Variants in HSF2BP observed in about 807,000 individuals in gnomAD.
HSF2BP encodes heat shock transcription factor 2 binding protein.
HSF2BP carries 35 observed loss-of-function variants against 35.0 expected under a neutral mutation model. The observed-to-expected ratio is 1.00, with a 90% confidence interval of 0.76 to 1.32. The LOEUF (loss-of-function observed/expected upper bound fraction) is 1.32, where lower values mean the gene tolerates loss of function less well. HSF2BP is among the 40% of genes most tolerant of loss of function. HSF2BP has a pLI of 0.00. For synonymous variants in HSF2BP, 114 were observed against 117.4 expected (o/e 0.97, Z 0.18); for missense variants, 326 against 321.7 (o/e 1.01, Z -0.10).
Position 43,592,340 on chromosome 21 carries a change from A to C in HSF2BP, c.693-12T>G. ...ACATCAGCATTAGCCTGAAATGTAA[A>C]AGAAAAAGGTGTTGGAATGCTCCAT... On this transcript the variant is annotated splice_polypyrimidine_tract_variant and intron_variant, in intron 7 of 8. Transcript: ENST00000291560. The C allele has an allele frequency of 6.4e-7, 1 of 1,572,536 alleles. No homozygotes were observed. The highest frequency in any genetic ancestry group is 8.8e-7 in the Non-Finnish European group (1 of 1,142,034).
intron 3 of HSF2BP, among the ~76,000 whole-genome samples, chr21:43,653,790 A>G (rs1018996039): frequency 2.6e-5 from 4 of 152,232 alleles, no homozygotes; most frequent in Non-Finnish European, 2.9e-5. Context: ...GAGGCAGAAC[A>G]CAGCAGTGGA....
chr21:43,586,305 G>A (rs1008201173), intron 8 of HSF2BP, among the ~76,000 whole-genome samples: 1 of 152,102 alleles, frequency 6.6e-6, no homozygotes, highest in South Asian at 2.1e-4. Flanking sequence ...TCTAGCAAAC[G>A]TTAAAGGAAA....
intron 7 of HSF2BP, among the ~76,000 whole-genome samples, chr21:43,613,260 A>G (rs2082231608): frequency 6.6e-6 from 1 of 152,208 alleles, no homozygotes; most frequent in South Asian, 2.1e-4. Context: ...CAGCTGACCC[A>G]CAGCTGACCA....
intron 8 of HSF2BP, among the ~76,000 whole-genome samples, chr21:43,573,701 G>A (rs907284326): frequency 1.3e-5 from 2 of 152,128 alleles, no homozygotes; most frequent in Non-Finnish European, 2.9e-5. Context: ...CGTCCTGGGG[G>A]GAAGGCCCTG....
At chr21:43,642,687 C>A (rs147190275) in intron 4 of HSF2BP, among the ~76,000 whole-genome samples, 1 of 152,090 alleles carries the variant, frequency 6.6e-6, no homozygotes, top group Non-Finnish European at 1.5e-5. Flanking sequence ...AATATTCCCA[C>A]ATTTTAAGGT....
At chr21:43,607,928 C>T (rs1481805011) in intron 7 of HSF2BP, among the ~76,000 whole-genome samples, 1 of 152,128 alleles carries the variant, frequency 6.6e-6, no homozygotes, top group Admixed American at 6.5e-5. Flanking sequence ...CTACCTCTAA[C>T]CACAGATAAA....
intron 6 of HSF2BP, among the ~76,000 whole-genome samples, chr21:43,615,320 A>G (rs2082257315): frequency 6.6e-6 from 1 of 152,224 alleles, no homozygotes; most frequent in African/African-American, 2.4e-5. Flanking sequence ...ACCCTTTATC[A>G]GTTTAAAGAA....
At chr21:43,595,045 G>C (rs1057508473) in intron 7 of HSF2BP, among the ~76,000 whole-genome samples, 1 of 152,200 alleles carries the variant, frequency 6.6e-6, no homozygotes, top group Admixed American at 6.5e-5. Flanking sequence ...CAAACTGCTT[G>C]AGGCCAGGAG....
intron 5 of HSF2BP, 151 bp downstream of exon 5, chr21:43,633,121 T>C: frequency 2.6e-6 from 2 of 761,808 alleles, no homozygotes; most frequent in South Asian, 2.3e-5. Context: ...CAATGAACCA[T>C]ATACGATAAG....
Position 43,658,217 on chromosome 21 carries a change from C to A in HSF2BP, c.-121G>T, listed in dbSNP as rs2082907761. On this transcript the variant is annotated 5_prime_UTR_variant, in exon 2 of 9. Transcript: ENST00000291560. ...GGAACGGAGAGCCGCCAGGCCCAAA[C>A]CTCCCAGAATTTGCGCAGTATTCTC... is the stretch of plus-strand genomic sequence containing the variant. 8.3e-7 allele frequency: 1 copy of A among 1,202,584 alleles called. No individual in the cohort carries two copies. Among genetic ancestry groups the A allele is most frequent in the Non-Finnish European group, 1.1e-6 (1 of 892,476 alleles). 74.5% of individuals were successfully genotyped at this position (1,202,584 alleles called of 1,614,324 possible). A position where few individuals can be genotyped will look rare whatever the true frequency, so the allele number is the denominator to read the frequency against.
chr21:43,654,937 G>T (rs533238763), intron 3 of HSF2BP, among the ~76,000 whole-genome samples: 1 of 152,206 alleles, frequency 6.6e-6, no homozygotes, highest in Non-Finnish European at 1.5e-5. Flanking sequence ...GGAATTGCCA[G>T]AGAGACTATG....
At chr21:43,623,657 T>C (rs2082356570) in intron 6 of HSF2BP, among the ~76,000 whole-genome samples, 1 of 152,186 alleles carries the variant, frequency 6.6e-6, no homozygotes, top group African/African-American at 2.4e-5. Flanking sequence ...ACAAGGCTGG[T>C]GATGAAGTCA....
chr21:43,505,413 G>A, the HSF2BP span, among the ~76,000 whole-genome samples: 78 of 110,090 alleles, frequency 7.1e-4, 6 homozygotes, highest in African/African-American at 3.2e-3. Flanking sequence ...TGTGGCCTTC[G>A]CTCACCGTGG....
the HSF2BP span, among the ~76,000 whole-genome samples, chr21:43,498,946 C>G: frequency 8.5e-6 from 1 of 118,078 alleles, no homozygotes; most frequent in Non-Finnish European, 1.9e-5. Context: ...CCTCTGAGTC[C>G]TGTTGGGAGC....
rs2081647690 is a variant in HSF2BP, at chr21:43,576,598, T to C, written c.796+15627A>G. 5.3e-5 allele frequency among the ~76,000 whole-genome samples: 8 copies of C among 152,302 alleles called. No individual in the cohort carries two copies. The South Asian group carries it at 1.7e-3, about 32-fold the overall frequency. On this transcript the variant is annotated intron_variant, in intron 8 of 8. Transcript: ENST00000291560. ...GCAACCCTCCACTACCACATCACAT[T>C]GATGAAAAGCTTGCCTTGGTAACAC...
intron 7 of HSF2BP, among the ~76,000 whole-genome samples, chr21:43,598,712 C>T (rs2146826586): frequency 6.6e-6 from 1 of 152,248 alleles, no homozygotes; most frequent in South Asian, 2.1e-4. Flanking sequence ...TCAAAAGCTA[C>T]TCACTAGTAA....
Position 43,592,252 on chromosome 21 carries a change from T to A in HSF2BP, c.769A>T (p.Ile257Phe), listed in dbSNP as rs1215005420. The A allele has an allele frequency of 1.4e-5, 23 of 1,613,776 alleles. No homozygotes were observed. Among genetic ancestry groups the A allele is most frequent in the Non-Finnish European group, 1.9e-5 (23 of 1,179,726 alleles). ...CTCAAAAGCCACCACAGCAAAGGGA[T>A]GAATCCTGGACTCTCGCTGATGTAT... ...LKYISESPGFIPLLWWLLSDP... is the reference protein window; with the variant it reads ...LKYISESPGFFPLLWWLLSDP... The change falls in exon 8 of 9, where the codon ATC becomes TTC. Residue 257 changes from isoleucine (I) to phenylalanine (F), a missense_variant. Physicochemically the swap from Ile to Phe is conservative, Grantham distance 21 (BLOSUM62 0). Transcript: ENST00000291560.
At chr21:43,572,179 C>T (rs1467188811) in intron 8 of HSF2BP, among the ~76,000 whole-genome samples, 2 of 152,152 alleles carry the variant, frequency 1.3e-5, no homozygotes, top group Admixed American at 6.5e-5. Flanking sequence ...AGAGAGAACA[C>T]AGGGCGAGCC....
intron 3 of HSF2BP, among the ~76,000 whole-genome samples, chr21:43,653,923 C>G (rs2082831113): frequency 6.6e-6 from 1 of 152,028 alleles, no homozygotes; most frequent in Admixed American, 6.6e-5. Context: ...ACTCCTGGGT[C>G]TCTAGTCTGG....
Sources: allele counts gnomAD v4.1 joint callset (sites outside exome capture counted in the v4.1 genomes callset), GRCh38; gene constraint gnomAD v4.1.1; transcripts MANE v1.5; gene names NCBI Gene and HGNC (gene_info 2026-07-23, HGNC 2026-07-21).